EXD1: variants seen among roughly 807,000 people sequenced by gnomAD.
EXD1 encodes piRNA biogenesis protein EXD1.
In EXD1, 63 loss-of-function variants were observed where a neutral mutation model predicts 49.1. The ratio of observed to expected loss-of-function variants is 1.28; its 90% CI spans 1.05 to 1.58. The LOEUF (loss-of-function observed/expected upper bound fraction) is 1.58, where lower values mean the gene tolerates loss of function less well. Ranked by LOEUF, EXD1 falls within the 40% of genes most tolerant of loss-of-function variation. The pLI, the probability that EXD1 is intolerant of heterozygous loss-of-function variation, is 0.00. For synonymous variants in EXD1, 234 were observed against 239.2 expected (o/e 0.98, Z 0.20); for missense variants, 748 against 666.0 (o/e 1.12, Z -1.36).
At chr15:41,191,912 G>A in intron 9 of EXD1, 1 of 216,558 alleles carries the variant, frequency 4.6e-6, no homozygotes, top group Non-Finnish European at 9.1e-6. Context: ...GAGTAGCTGG[G>A]ACTACAGGTG....
intron 7 of EXD1, among the ~76,000 whole-genome samples, chr15:41,207,637 A>G (rs927949880): frequency 6.6e-6 from 1 of 151,688 alleles, no homozygotes; most frequent in Non-Finnish European, 1.5e-5. Flanking sequence ...TTTTGCTTTT[A>G]ATACAAGTGC....
In EXD1 at chr15:41,183,990, G is replaced by A; in HGVS notation, c.1660C>T (p.Pro554Ser). ...TCGATCTTCTCCAAGGCTGGACAGG[G>A]AGGGAGTGTGGAAACCACAGTCTTT... ...IRKTVVSTLP[P>S]CPALEKIDSW... The change falls in exon 12 of 12, where the codon CCC (proline) becomes TCC (serine). Residue 554 changes from proline to serine, a missense_variant. Transcript: ENST00000458580. 2 of 1,613,932 alleles carry A rather than the reference G, an allele frequency of 1.2e-6. No individual in the cohort carries two copies. Among genetic ancestry groups the A allele is most frequent in the South Asian group, 1.1e-5 (1 of 91,006 alleles).
At chr15:41,201,590 A>T (rs181427029) in intron 7 of EXD1, among the ~76,000 whole-genome samples, 50 of 150,588 alleles carry the variant, frequency 3.3e-4, no homozygotes, top group African/African-American at 1.2e-3. Context: ...CCTAGGTTCA[A>T]GCAATTCTCC....
At chr15:41,229,907 G>T (rs1436903440) in intron 1 of EXD1, among the ~76,000 whole-genome samples, 1 of 152,036 alleles carries the variant, frequency 6.6e-6, no homozygotes, top group East Asian at 1.9e-4. Flanking sequence ...AGTTGACCTG[G>T]GAAAGCCTGC....
At chr15:41,187,909 G>C (rs1566972593) in intron 11 of EXD1, among the ~76,000 whole-genome samples, 1 of 150,950 alleles carries the variant, frequency 6.6e-6, no homozygotes, top group Non-Finnish European at 1.5e-5. Flanking sequence ...CAGCTAATCA[G>C]GAGGCTGAGG....
chr15:41,207,448 G>C (rs1234032102), intron 7 of EXD1, among the ~76,000 whole-genome samples: 1 of 152,016 alleles, frequency 6.6e-6, no homozygotes, highest in Non-Finnish European at 1.5e-5. Context: ...GCTGAGGCAG[G>C]AGAATTTCTT....
intron 10 of EXD1, among the ~76,000 whole-genome samples, chr15:41,191,168 C>T (rs2046508112): frequency 6.6e-6 from 1 of 152,078 alleles, no homozygotes; most frequent in Non-Finnish European, 1.5e-5. Flanking sequence ...TCAGGTGATC[C>T]GCCCGCCTCA....
intron 6 of EXD1, among the ~76,000 whole-genome samples, chr15:41,213,049 T>G (rs116703925): frequency 0.032 from 4,904 of 151,670 alleles, 294 homozygotes; most frequent in African/African-American, 0.11. Flanking sequence ...TCAAAAAAAT[T>G]TTTTTTAATT....
chr15:41,184,658 C>CCTT (rs111604343), intron 11 of EXD1, 65 bp from the exon 12 acceptor site: 127 of 1,260,342 alleles, frequency 1.0e-4, no homozygotes, highest in Middle Eastern at 2.5e-4. Context: ...CTTAAAATCA[C>CCTT]TTTTTTTTTT....
At chr15:41,196,098 T>A (rs1415588044) in intron 7 of EXD1, 61 bp from the exon 8 acceptor site, 1 of 1,265,336 alleles carries the variant, frequency 7.9e-7, no homozygotes, top group East Asian at 2.4e-5. Flanking sequence ...GAAGGGAAAT[T>A]TGAGGATGAA....
At chr15:41,227,523 G>A (rs1413555305) in intron 1 of EXD1, among the ~76,000 whole-genome samples, 1 of 150,706 alleles carries the variant, frequency 6.6e-6, no homozygotes, top group African/African-American at 2.4e-5. Flanking sequence ...TACAAAATTA[G>A]CCGGGTGTGG....
intron 9 of EXD1, among the ~76,000 whole-genome samples, chr15:41,194,300 C>T (rs977552667): frequency 7.2e-5 from 11 of 152,118 alleles, no homozygotes; most frequent in Admixed American, 2.0e-4. Context: ...TGTGAGCCAC[C>T]GTGCCGGGCC....
intron 6 of EXD1, among the ~76,000 whole-genome samples, chr15:41,215,101 C>G (rs1423065368): frequency 1.3e-5 from 2 of 152,170 alleles, no homozygotes; most frequent in East Asian, 3.9e-4. Context: ...GGTCTTTGTT[C>G]TAATGTCACC....
intron 7 of EXD1, among the ~76,000 whole-genome samples, chr15:41,202,168 T>TATATA (rs1566982426): frequency 6.9e-6 from 1 of 145,306 alleles, no homozygotes. Flanking sequence ...ATATATATAT[T>TATATA]TTTTTTAATT....
Position 41,190,047 on chromosome 15 carries a change from G to T in EXD1, c.946C>A (p.Pro316Thr), listed in dbSNP as rs770380501. ...TCATCTAGGAGTGCCAAGCGAAGGG[G>T]TAACAGGTAGGTAGCTTCCAGGGCC... ...ILALEATYLL[P>T]LRLALLDEMM... is the part of the protein sequence containing the mutation. Residue 316 changes from proline to threonine, a missense_variant, in exon 11 of 12, where the codon CCC becomes ACC. Physicochemically the swap from Pro to Thr is conservative, Grantham distance 38 (BLOSUM62 -1). Coordinates refer to ENST00000458580, the MANE Select transcript of EXD1 (RefSeq NM_001286441.2). 6.2e-7 allele frequency: 1 copy of T among 1,614,192 alleles called. No individual in the cohort carries two copies. The highest frequency in any genetic ancestry group is 8.5e-7 in the Non-Finnish European group (1 of 1,180,038).
intron 1 of EXD1, among the ~76,000 whole-genome samples, chr15:41,230,082 C>CTTTTT (rs1156382525): frequency 8.2e-6 from 1 of 122,270 alleles, no homozygotes; most frequent in African/African-American, 3.2e-5. Context: ...TGGCTTTTAC[C>CTTTTT]TTTTTTTTTT....
At chr15:41,207,733 C>A (rs1479643996) in intron 7 of EXD1, among the ~76,000 whole-genome samples, 1 of 151,802 alleles carries the variant, frequency 6.6e-6, no homozygotes, top group East Asian at 1.9e-4. Context: ...CTTCCAGTTG[C>A]AGAAAGGACA....
At chr15:41,229,784 CAACA>C (rs1555418648) in intron 1 of EXD1, among the ~76,000 whole-genome samples, 1 of 152,006 alleles carries the variant, frequency 6.6e-6, no homozygotes, top group Non-Finnish European at 1.5e-5. Context: ...ACAACAACAA[CAACA>C]AACAAACAAA....
intron 11 of EXD1, among the ~76,000 whole-genome samples, 161 bp from the exon 12 acceptor site, chr15:41,184,754 A>G (rs1354304466): frequency 6.6e-6 from 1 of 150,968 alleles, no homozygotes; most frequent in Non-Finnish European, 1.5e-5. Flanking sequence ...TCCTGGGTTC[A>G]GGCCATTCTC....
Sources: allele counts gnomAD v4.1 joint callset (sites outside exome capture counted in the v4.1 genomes callset), GRCh38; gene constraint gnomAD v4.1.1; transcripts MANE v1.5; gene names NCBI Gene and HGNC (gene_info 2026-07-23, HGNC 2026-07-21).